Variants in SNX29 observed in about 807,000 individuals in gnomAD.
The protein encoded by SNX29 is sorting nexin 29, also known as sorting nexin-29.
In SNX29, 78 loss-of-function variants were observed where a neutral mutation model predicts 102.1. The ratio of observed to expected loss-of-function variants is 0.76; its 90% CI spans 0.64 to 0.92. The LOEUF (loss-of-function observed/expected upper bound fraction) is 0.92. SNX29 is among the 40% of genes least tolerant of loss of function. The pLI, the probability that SNX29 is intolerant of heterozygous loss-of-function variation, is 0.00. For missense variants in SNX29, 1,280 were observed against 1,061.7 expected, an observed-to-expected ratio of 1.21 and a Z score of -2.86; for synonymous variants, 580 against 414.5, an observed-to-expected ratio of 1.40 and a Z score of -4.85.
chr16:12,552,090 C>G (rs768339125), intron 20 of SNX29, among the ~76,000 whole-genome samples: 15 of 152,228 alleles, frequency 9.9e-5, no homozygotes, highest in African/African-American at 1.4e-4. Flanking sequence ...CTCAACTGTG[C>G]TATCCTCAGT....
At chr16:12,120,060 A>G (rs1014831939) in intron 11 of SNX29, among the ~76,000 whole-genome samples, 1 of 152,216 alleles carries the variant, frequency 6.6e-6, no homozygotes, top group African/African-American at 2.4e-5. Flanking sequence ...GGAGGGTGGC[A>G]GGAGAGAGAA....
intron 14 of SNX29, among the ~76,000 whole-genome samples, chr16:12,247,281 T>A (rs940040643): frequency 1.6e-4 from 24 of 152,096 alleles, no homozygotes; most frequent in African/African-American, 5.8e-4. Flanking sequence ...TCAAAGGGTA[T>A]GGGAGATAAA....
At chr16:12,541,307 G>C (rs1281571950) in intron 20 of SNX29, among the ~76,000 whole-genome samples, 1 of 152,172 alleles carries the variant, frequency 6.6e-6, no homozygotes, top group African/African-American at 2.4e-5. Flanking sequence ...GGGATGGTCA[G>C]CCCTGATGGA....
chr16:12,343,436 C>T (rs1258566322), intron 15 of SNX29, among the ~76,000 whole-genome samples: 1 of 152,226 alleles, frequency 6.6e-6, no homozygotes. Flanking sequence ...ACATCTTAAC[C>T]ATGTTTAAAA....
intron 20 of SNX29, among the ~76,000 whole-genome samples, chr16:12,535,219 A>T (rs560580232): frequency 6.6e-6 from 1 of 152,178 alleles, no homozygotes; most frequent in Non-Finnish European, 1.5e-5. Flanking sequence ...GCTCACTGCA[A>T]CCTCTGCCTC....
At chr16:11,980,898 C>G (rs900832881) in intron 1 of SNX29, among the ~76,000 whole-genome samples, 3 of 151,730 alleles carry the variant, frequency 2.0e-5, no homozygotes, top group African/African-American at 7.3e-5. Flanking sequence ...GATACTAGTC[C>G]CTTATCAGGT....
intron 14 of SNX29, among the ~76,000 whole-genome samples, chr16:12,264,455 C>A (rs1291062717): frequency 1.3e-5 from 2 of 152,184 alleles, no homozygotes; most frequent in Non-Finnish European, 2.9e-5. Context: ...GAATGAATTG[C>A]AGAAGTCACA....
chr16:12,390,079 C>A (rs993906790), intron 16 of SNX29, among the ~76,000 whole-genome samples: 1 of 151,782 alleles, frequency 6.6e-6, no homozygotes, highest in Non-Finnish European at 1.5e-5. Flanking sequence ...TATAGGTGAT[C>A]CTTAAAAGTC....
At chr16:12,137,406 T>C (rs2054703522) in intron 13 of SNX29, among the ~76,000 whole-genome samples, 1 of 152,210 alleles carries the variant, frequency 6.6e-6, no homozygotes. Context: ...CAGCTCCTCC[T>C]GGTGTTATTT....
At chr16:12,067,927 C>G (rs140452215) in intron 9 of SNX29, among the ~76,000 whole-genome samples, 4 of 152,290 alleles carry the variant, frequency 2.6e-5, no homozygotes, top group Non-Finnish European at 4.4e-5. Context: ...GTCCCTAGCC[C>G]GTTAGTTCCA....
Position 12,334,672 on chromosome 16 carries a change from A to G in SNX29, c.1783-21491A>G, listed in dbSNP as rs117330954. Reference sequence around the variant, plus strand: ...ATTGACAATGCTGAACATTCGGGCCATTTCCCATAAAGCTCACTATTTCCA... The same window carrying G: ...ATTGACAATGCTGAACATTCGGGCCGTTTCCCATAAAGCTCACTATTTCCA... On this transcript the variant is annotated intron_variant, in intron 15 of 20. Transcript: ENST00000566228. Among the ~76,000 whole-genome samples, 1,089 of 152,250 alleles carry G rather than the reference A, an allele frequency of 7.2e-3. 26 individuals carry two copies. The highest frequency in any genetic ancestry group is 0.044 in the Admixed American group (674 of 15,296).
At chr16:12,059,291 C>G (rs2050668739) in intron 8 of SNX29, among the ~76,000 whole-genome samples, 1 of 152,224 alleles carries the variant, frequency 6.6e-6, no homozygotes, top group Non-Finnish European at 1.5e-5. Flanking sequence ...TGAAAGGGCG[C>G]CCCTGACCAC....
intron 15 of SNX29, among the ~76,000 whole-genome samples, chr16:12,310,299 G>T (rs1567424046): frequency 6.6e-6 from 1 of 152,210 alleles, no homozygotes; most frequent in Non-Finnish European, 1.5e-5. Context: ...TCAAAGGCAA[G>T]GTTCTCATTC....
chr16:12,367,612 G>C (rs1303682012), intron 16 of SNX29: 1 of 152,250 alleles, frequency 6.6e-6, no homozygotes, highest in Non-Finnish European at 1.5e-5. Context: ...TTCGGAGGGA[G>C]TGATCTCATT....
chr16:12,015,226 C>T (rs895304051), intron 3 of SNX29, among the ~76,000 whole-genome samples: 12 of 151,908 alleles, frequency 7.9e-5, no homozygotes, highest in Non-Finnish European at 1.5e-5. Flanking sequence ...TGAAACATTT[C>T]CAAGTTATAG....
At chr16:12,154,850 A>C (rs1170320401) in intron 13 of SNX29, among the ~76,000 whole-genome samples, 1 of 152,200 alleles carries the variant, frequency 6.6e-6, no homozygotes, top group East Asian at 1.9e-4. Flanking sequence ...TTACAAAGGC[A>C]CGAATCCCAT....
chr16:12,357,533 G>A (rs2151315720), intron 16 of SNX29, among the ~76,000 whole-genome samples: 1 of 152,220 alleles, frequency 6.6e-6, no homozygotes, highest in East Asian at 1.9e-4. Flanking sequence ...AAAAATTAGG[G>A]TAAAATATAC....
intron 14 of SNX29, among the ~76,000 whole-genome samples, chr16:12,265,629 G>C (rs984834902): frequency 6.7e-5 from 10 of 150,374 alleles, no homozygotes; most frequent in South Asian, 4.2e-4. Context: ...GGGAGGCTGA[G>C]GTGGGTGGAT....
intron 11 of SNX29, among the ~76,000 whole-genome samples, chr16:12,108,060 C>T (rs2053339625): frequency 6.6e-6 from 1 of 152,100 alleles, no homozygotes; most frequent in South Asian, 2.1e-4. Flanking sequence ...AGAGATTTTC[C>T]ATTTGACATC....
Sources: allele counts gnomAD v4.1 joint callset (sites outside exome capture counted in the v4.1 genomes callset), GRCh38; gene constraint gnomAD v4.1.1; transcripts MANE v1.5; gene names NCBI Gene and HGNC (gene_info 2026-07-23, HGNC 2026-07-21).